The following ATP1B3 variants were observed in gnomAD, a reference collection of about 807,000 sequenced individuals.
ATP1B3 encodes the protein ATPase Na+/K+ transporting subunit beta 3.
A neutral mutation model predicts 30.2 loss-of-function variants in ATP1B3; 10 were observed. The ratio of observed to expected loss-of-function variants is 0.33; its 90% CI spans 0.20 to 0.56. The LOEUF (loss-of-function observed/expected upper bound fraction) is 0.56. ATP1B3 is among the 20% of genes least tolerant of loss of function. ATP1B3 has a pLI of 0.90. For missense variants in ATP1B3, 238 were observed against 336.7 expected (o/e 0.71, Z 2.29); for synonymous variants, 113 against 117.0 (o/e 0.97, Z 0.22).
chr3:141,886,894 T>A (rs1933845105), intron 1 of ATP1B3, among the ~76,000 whole-genome samples: 1 of 152,154 alleles, frequency 6.6e-6, no homozygotes, highest in Non-Finnish European at 1.5e-5. Context: ...TTCCAGCTAC[T>A]CAGGAGGTTG....
At chr3:141,881,164 C>T (rs1344198997) in intron 1 of ATP1B3, among the ~76,000 whole-genome samples, 3 of 149,676 alleles carry the variant, frequency 2.0e-5, no homozygotes, top group Non-Finnish European at 4.4e-5. Flanking sequence ...GATCGCGCCA[C>T]TGCACTCCAG....
intron 5 of ATP1B3, chr3:141,918,761 T>G (rs959559131): frequency 1.3e-5 from 2 of 152,170 alleles, no homozygotes; most frequent in Admixed American, 1.3e-4. Flanking sequence ...AATGCATTTT[T>G]CTTCTTGTTT....
chr3:141,914,369 TATCCAAAGTAGC>T (rs1415676380), intron 4 of ATP1B3, among the ~76,000 whole-genome samples: 1 of 152,228 alleles, frequency 6.6e-6, no homozygotes, highest in African/African-American at 2.4e-5. Flanking sequence ...GTTGCAGTTG[TATCCAAAGTAGC>T]AGCATTTTGC....
At chr3:141,908,378 C>G (rs1187877650) in intron 3 of ATP1B3, among the ~76,000 whole-genome samples, 1 of 152,148 alleles carries the variant, frequency 6.6e-6, no homozygotes, top group Admixed American at 6.5e-5. Context: ...TCATCTCTTC[C>G]TCAGCCACAG....
intron 3 of ATP1B3, among the ~76,000 whole-genome samples, chr3:141,907,634 T>G (rs1214042777): frequency 6.6e-6 from 1 of 150,416 alleles, no homozygotes; most frequent in Non-Finnish European, 1.5e-5. Context: ...AGAGCGAAAC[T>G]CCGTCTCAAA....
chr3:141,879,755 G>A (rs998120668), intron 1 of ATP1B3, among the ~76,000 whole-genome samples: 2 of 126,308 alleles, frequency 1.6e-5, no homozygotes, highest in Non-Finnish European at 3.3e-5. Flanking sequence ...CTCCAGCCTG[G>A]GCGACAAAGC....
At position 141,905,287 on chromosome 3, in the gene ATP1B3, T is replaced by G. The variant is rs554389696; in HGVS notation, c.238+1539T>G. Reference sequence around the variant, plus strand: ...AGGTTTCTCTCTAGAGCAGTGGTTTTCAACCACTGAGTCATATGGCAGCGT... The same window carrying G: ...AGGTTTCTCTCTAGAGCAGTGGTTTGCAACCACTGAGTCATATGGCAGCGT... On this transcript the variant is annotated intron_variant, in intron 2 of 6. Coordinates refer to ENST00000286371, the MANE Select transcript of ATP1B3 (RefSeq NM_001679.4). Among the ~76,000 whole-genome samples the G allele has an allele frequency of 6.6e-5, 10 of 152,252 alleles. No homozygotes were observed. In the South Asian group the frequency reaches 1.9e-3, roughly 28 times the overall value.
rs566342270 is a variant in ATP1B3, at chr3:141,876,829, A to C, written c.28A>C (p.Asn10His). MTKNEKKSL[N>H]QSLAEWKLFI... is the part of the protein sequence containing the mutation. ...GACGAAGAACGAGAAGAAGTCCCTC[A>C]ACCAGAGCCTGGCCGAGTGGAAGCT... The change falls in exon 1 of 7, where the codon AAC (asparagine) becomes CAC (histidine). Residue 10 changes from asparagine (N) to histidine (H), a missense_variant. By Grantham distance (68) the Asn-to-His change is moderately conservative. Coordinates refer to ENST00000286371, the MANE Select transcript of ATP1B3 (RefSeq NM_001679.4). 14 of 1,586,662 alleles carry C rather than the reference A, an allele frequency of 8.8e-6. No individual in the cohort carries two copies. In the South Asian group the frequency reaches 1.3e-4, roughly 15 times the overall value.
At chr3:141,877,831 CT>C (rs56245712) in intron 1 of ATP1B3, among the ~76,000 whole-genome samples, 195 of 140,146 alleles carry the variant, frequency 1.4e-3, no homozygotes, top group Non-Finnish European at 1.4e-3. Flanking sequence ...CAGGCTAGAG[CT>C]TTTTTTTTTT....
At chr3:141,897,193 G>C (rs577070223) in intron 1 of ATP1B3, among the ~76,000 whole-genome samples, 2 of 152,244 alleles carry the variant, frequency 1.3e-5, no homozygotes, top group Admixed American at 1.3e-4. Context: ...TCATCACCTA[G>C]TCTTTGACCC....
At chr3:141,877,051 C>T (rs1933612795) in intron 1 of ATP1B3, 141 bp downstream of exon 1, 2 of 495,120 alleles carry the variant, frequency 4.0e-6, no homozygotes, top group South Asian at 8.8e-5. Context: ...GCGGCGGCGG[C>T]GCAGTGCGGC....
At chr3:141,899,318 T>C (rs1007715461) in intron 1 of ATP1B3, among the ~76,000 whole-genome samples, 1 of 152,246 alleles carries the variant, frequency 6.6e-6, no homozygotes, top group Non-Finnish European at 1.5e-5. Flanking sequence ...ATTATACATG[T>C]CTCTGCTTTA....
intron 3 of ATP1B3, among the ~76,000 whole-genome samples, chr3:141,912,521 A>G (rs746403981): frequency 8.1e-4 from 123 of 151,940 alleles, no homozygotes; most frequent in Non-Finnish European, 1.4e-3. Context: ...TCGGCCTCCC[A>G]AAGTGCTGGG....
chr3:141,916,281 T>G (rs1934462683), intron 5 of ATP1B3: 1 of 497,044 alleles, frequency 2.0e-6, no homozygotes, highest in Non-Finnish European at 3.9e-6. Context: ...AGATTCACTT[T>G]TTTTCTGCCA....
At chr3:141,923,409 C>T (rs1349808628) in intron 6 of ATP1B3, among the ~76,000 whole-genome samples, 3 of 152,210 alleles carry the variant, frequency 2.0e-5, no homozygotes, top group African/African-American at 7.2e-5. Flanking sequence ...TGATGCCTTG[C>T]ACCACCTCAG....
At chr3:141,879,757 C>T (rs1029602066) in intron 1 of ATP1B3, among the ~76,000 whole-genome samples, 39 of 125,234 alleles carry the variant, frequency 3.1e-4, no homozygotes, top group South Asian at 1.3e-3. Flanking sequence ...CCAGCCTGGG[C>T]GACAAAGCAA....
At chr3:141,883,773 C>T (rs143313396) in intron 1 of ATP1B3, among the ~76,000 whole-genome samples, 202 of 152,268 alleles carry the variant, frequency 1.3e-3, no homozygotes, top group African/African-American at 4.4e-3. Context: ...CAGTGTTTGA[C>T]GGTATTGGTG....
At chr3:141,912,140 A>T (rs567855659) in intron 3 of ATP1B3, among the ~76,000 whole-genome samples, 1 of 152,334 alleles carries the variant, frequency 6.6e-6, no homozygotes, top group South Asian at 2.1e-4. Context: ...AAATGAGTAC[A>T]TAGTCCCACA....
chr3:141,881,490 G>A (rs571423841), intron 1 of ATP1B3, among the ~76,000 whole-genome samples: 1 of 152,244 alleles, frequency 6.6e-6, no homozygotes, highest in African/African-American at 2.4e-5. Context: ...CTCAGTAATT[G>A]TTCTGCTTTG....
Sources: allele counts gnomAD v4.1 joint callset (sites outside exome capture counted in the v4.1 genomes callset), GRCh38; gene constraint gnomAD v4.1.1; transcripts MANE v1.5; gene names NCBI Gene and HGNC (gene_info 2026-07-23, HGNC 2026-07-21).